POU2F1: variants seen among roughly 807,000 people sequenced by gnomAD.
POU2F1 encodes the protein POU class 2 homeobox 1.
A neutral mutation model predicts 84.9 loss-of-function variants in POU2F1; 16 were observed. The ratio of observed to expected loss-of-function variants is 0.19; its 90% CI spans 0.13 to 0.29. POU2F1 has a LOEUF of 0.29. Ranked by LOEUF, POU2F1 falls within the 10% of genes least tolerant of loss-of-function variation. POU2F1 has a pLI of 1.00. For synonymous variants in POU2F1, 368 were observed against 368.3 expected (o/e 1.00, Z 0.01); for missense variants, 738 against 942.6 (o/e 0.78, Z 2.84).
intron 6 of POU2F1, 100 bp from the exon 7 acceptor site, chr1:167,375,929 C>G: frequency 7.1e-7 from 1 of 1,399,898 alleles, no homozygotes; most frequent in Non-Finnish European, 9.9e-7. Flanking sequence ...ATTTACTCTT[C>G]TTTATTTGGA....
rs1025427145 is a variant in POU2F1 at position 167,341,269 on chromosome 1, G to A, written c.127+8734G>A. Among the ~76,000 whole-genome samples, 10 of 151,958 alleles carry A rather than the reference G, an allele frequency of 6.6e-5. No individual in the cohort carries two copies. The South Asian group carries it at 2.1e-3, about 32-fold the overall frequency. On this transcript the variant is annotated intron_variant, in intron 2 of 15. Coordinates refer to ENST00000367866, the MANE Select transcript of POU2F1 (RefSeq NM_002697.4). ...TATTATAATTATTTTTATAATGCAG[G>A]TAAAAAGGATATTTAAATATATTTT...
rs148205457 is a variant in POU2F1, at chr1:167,362,579, G to A, written c.128-2888G>A. On this transcript the variant is annotated intron_variant, in intron 2 of 15. Coordinates refer to ENST00000367866, the MANE Select transcript of POU2F1 (RefSeq NM_002697.4). ...ATCACCTTTTTGCAGTGGCATGATC[G>A]TAGCTGGTTGCAGCCTCGAGCTCCT... is the stretch of plus-strand genomic sequence containing the variant. Among the ~76,000 whole-genome samples the A allele has an allele frequency of 3.2e-4, 49 of 152,230 alleles. No individual in the cohort carries two copies. In the East Asian group the frequency reaches 7.4e-3, roughly 23 times the overall value.
chr1:167,256,305 G>C (rs1427287565), intron 1 of POU2F1, among the ~76,000 whole-genome samples: 3 of 151,998 alleles, frequency 2.0e-5, no homozygotes, highest in African/African-American at 7.3e-5. Flanking sequence ...GGCATTGCCT[G>C]AGTGTCAGAA....
intron 1 of POU2F1, among the ~76,000 whole-genome samples, chr1:167,300,588 C>T (rs1654617894): frequency 6.6e-6 from 1 of 152,066 alleles, no homozygotes; most frequent in Non-Finnish European, 1.5e-5. Context: ...CCTCAGCCTC[C>T]CGAGTAGCTG....
At chr1:167,278,685 C>A (rs1652911804) in intron 1 of POU2F1, among the ~76,000 whole-genome samples, 1 of 152,132 alleles carries the variant, frequency 6.6e-6, no homozygotes, top group African/African-American at 2.4e-5. Context: ...CCTGTCCTGA[C>A]AAGTCTTCTA....
At chr1:167,262,146 C>T (rs945298277) in intron 1 of POU2F1, among the ~76,000 whole-genome samples, 2 of 152,130 alleles carry the variant, frequency 1.3e-5, no homozygotes, top group African/African-American at 4.8e-5. Flanking sequence ...AATTACAGTG[C>T]AGGTGTTCAA....
chr1:167,355,854 G>A (rs532077290), intron 2 of POU2F1, among the ~76,000 whole-genome samples: 75 of 152,094 alleles, frequency 4.9e-4, no homozygotes, highest in Admixed American at 9.2e-4. Context: ...GCTGTATTTT[G>A]ATAGATTTAT....
intron 2 of POU2F1, chr1:167,357,380 C>T (rs1557922218): frequency 3.3e-4 from 1 of 3,000 alleles, no homozygotes; most frequent in Non-Finnish European, 8.2e-4. Flanking sequence ...CCCCCCCCCA[C>T]CCCCCCCCGC....
chr1:167,309,590 G>A (rs1655319370), intron 1 of POU2F1, among the ~76,000 whole-genome samples: 2 of 152,062 alleles, frequency 1.3e-5, no homozygotes, highest in African/African-American at 4.8e-5. Context: ...ATTTTTTAAT[G>A]ACAAATATTA....
At chr1:167,277,591 T>C (rs1652821821) in intron 1 of POU2F1, among the ~76,000 whole-genome samples, 1 of 152,090 alleles carries the variant, frequency 6.6e-6, no homozygotes, top group Non-Finnish European at 1.5e-5. Flanking sequence ...ATTACAGGCA[T>C]GAGCCACCTC....
intron 2 of POU2F1, among the ~76,000 whole-genome samples, chr1:167,352,476 G>A (rs893329945): frequency 6.6e-6 from 1 of 152,202 alleles, no homozygotes; most frequent in Non-Finnish European, 1.5e-5. Flanking sequence ...TTGAATTGGA[G>A]TCCTTCGTCA....
chr1:167,373,965 A>T (rs1355011766), intron 5 of POU2F1, 143 bp from the exon 6 acceptor site: 3 of 711,554 alleles, frequency 4.2e-6, no homozygotes, highest in Non-Finnish European at 5.0e-6. Flanking sequence ...ATCACTGATG[A>T]ACATTTTAGC....
chr1:167,272,361 TG>T (rs1483271228), intron 1 of POU2F1, among the ~76,000 whole-genome samples: 1 of 150,780 alleles, frequency 6.6e-6, no homozygotes, highest in Non-Finnish European at 1.5e-5. Context: ...ACTCTGGTTT[TG>T]TAAGTATGTT....
At chr1:167,292,957 C>T (rs1339208448) in intron 1 of POU2F1, among the ~76,000 whole-genome samples, 3 of 152,138 alleles carry the variant, frequency 2.0e-5, no homozygotes, top group African/African-American at 7.2e-5. Flanking sequence ...ATCCAGTATT[C>T]CTTTATGATA....
chr1:167,227,300 T>C (rs1250780919), intron 1 of POU2F1, among the ~76,000 whole-genome samples: 1 of 152,190 alleles, frequency 6.6e-6, no homozygotes, highest in Non-Finnish European at 1.5e-5. Context: ...TGTTGGAATA[T>C]AGAAATGGTA....
At chr1:167,353,158 G>C (rs565470859) in intron 2 of POU2F1, among the ~76,000 whole-genome samples, 1 of 152,216 alleles carries the variant, frequency 6.6e-6, no homozygotes, top group East Asian at 1.9e-4. Flanking sequence ...TGCTAACCTT[G>C]GATTCACCTC....
At chr1:167,386,577 T>A (rs751247828) in intron 8 of POU2F1, among the ~76,000 whole-genome samples, 6 of 152,240 alleles carry the variant, frequency 3.9e-5, no homozygotes, top group African/African-American at 1.4e-4. Flanking sequence ...CAAAGACTTG[T>A]ATGTGAATGT....
At chr1:167,386,051 C>G (rs573141775) in intron 8 of POU2F1, among the ~76,000 whole-genome samples, 30 of 152,320 alleles carry the variant, frequency 2.0e-4, no homozygotes, top group African/African-American at 7.2e-4. Flanking sequence ...TATCACTACA[C>G]AGTCACTAGA....
intron 2 of POU2F1, chr1:167,357,446 C>T (rs934429385): frequency 4.4e-5 from 6 of 136,516 alleles, no homozygotes; most frequent in South Asian, 2.4e-4. Context: ...AGTGGTGTGA[C>T]GTGGGCTCAC....
Sources: gnomAD v4.1 joint callset for allele counts (sites outside exome capture counted in the v4.1 genomes callset) on GRCh38, gnomAD v4.1.1 for gene constraint, MANE v1.5 for transcripts, NCBI Gene and HGNC (gene_info 2026-07-23, HGNC 2026-07-21) for gene names.